RAPGEF3: variants seen among roughly 807,000 people sequenced by gnomAD.
RAPGEF3 encodes the protein 9330170P05Rik.
A neutral mutation model predicts 129.8 loss-of-function variants in RAPGEF3; 103 were observed. The ratio of observed to expected loss-of-function variants is 0.79; its 90% CI spans 0.68 to 0.93. RAPGEF3 has a LOEUF of 0.93. RAPGEF3 is among the 40% of genes least tolerant of loss of function. RAPGEF3 has a pLI of 0.00. For missense variants in RAPGEF3, 1,117 were observed against 1,207.4 expected (o/e 0.93, Z 1.11); for synonymous variants, 436 against 482.6 (o/e 0.90, Z 1.26).
In RAPGEF3 at chr12:47,741,793, T is replaced by C. The variant is rs1941186911; in HGVS notation, c.1826-191A>G. The C allele has an allele frequency of 6.7e-6, 4 of 597,176 alleles. 1 individual carries two copies. In the African/African-American group the frequency reaches 7.4e-5, roughly 11 times the overall value. The allele number at this position is 597,176 out of a possible 1,614,324, so 37.0% of individuals were successfully genotyped here. ...CAGCCACGCAGCCCAGGGAAGCACA[T>C]CCAAGAGGATGAGGAAAGATTCTCA... On this transcript the variant is annotated intron_variant, in intron 18 of 27. Coordinates refer to ENST00000449771, the MANE Select transcript of RAPGEF3 (RefSeq NM_001098531.4).
chr12:47,744,352 A>C, intron 16 of RAPGEF3: 1 of 381,216 alleles, frequency 2.6e-6, no homozygotes, highest in Non-Finnish European at 4.7e-6. Context: ...TAATATGAAA[A>C]TCCTTCAGCT....
chr12:47,741,604 T>C lies in RAPGEF3; in HGVS notation c.1826-2A>G. ...CATCTGGCTGCAGGCCAATGGCATC[T>C]GCAAAGACAGCAGAGGCGGACTGGG... On this transcript the variant is annotated splice_acceptor_variant, in intron 18 of 27. Coordinates refer to ENST00000449771, the MANE Select transcript of RAPGEF3 (RefSeq NM_001098531.4). LOFTEE classifies it high-confidence loss of function. 1 of 1,611,482 alleles carries C rather than the reference T, an allele frequency of 6.2e-7. No individual in the cohort carries two copies. The highest frequency in any genetic ancestry group is 8.5e-7 in the Non-Finnish European group (1 of 1,178,000).
At chr12:47,751,289 T>C (rs1941726245) in intron 5 of RAPGEF3, 73 bp from the exon 6 acceptor site, 4 of 1,559,636 alleles carry the variant, frequency 2.6e-6, no homozygotes, top group African/African-American at 1.4e-5. Context: ...CCCACTGCGA[T>C]GCCACCCCTC....
In RAPGEF3 at chr12:47,738,707, T is replaced by C. The variant is rs1400840251; in HGVS notation, c.2509A>G (p.Ile837Val). Reference sequence around the variant, plus strand: ...GGACTCACCATCTTCTCAAAGTTGATGAGATTCTCCACTAGTGTGTGGTTT... The same window carrying C: ...GGACTCACCATCTTCTCAAAGTTGACGAGATTCTCCACTAGTGTGTGGTTT... ...EGNHTLVENLINFEKMRMMAR... is the reference protein window; with the variant it reads ...EGNHTLVENLVNFEKMRMMAR... Residue 837 changes from isoleucine (I) to valine (V), a missense_variant, in exon 25 of 28, where the codon ATC becomes GTC. Transcript: ENST00000449771. The C allele has an allele frequency of 3.8e-6, 6 of 1,599,012 alleles. No individual in the cohort carries two copies. In the African/African-American group the frequency reaches 6.7e-5, roughly 18 times the overall value.
chr12:47,744,357 T>C (rs954466956), intron 16 of RAPGEF3: 1 of 374,516 alleles, frequency 2.7e-6, no homozygotes, highest in African/African-American at 2.1e-5. Flanking sequence ...TGAAAATCCT[T>C]CAGCTGCTGA....
intron 24 of RAPGEF3, 48 bp from the exon 25 acceptor site, chr12:47,738,802 C>A: frequency 6.6e-7 from 1 of 1,518,214 alleles, no homozygotes; most frequent in Non-Finnish European, 9.2e-7. Context: ...TTCTGCCCTC[C>A]TGTAGCCCAG....
Position 47,740,324 on chromosome 12 carries a change from C to A in RAPGEF3, c.2303G>T (p.Arg768Leu), listed in dbSNP as rs368244791. 6.2e-7 allele frequency: 1 copy of A among 1,614,068 alleles called. No homozygotes were observed. The highest frequency in any genetic ancestry group is 1.3e-5 in the African/African-American group (1 of 75,042). Residue 768 changes from arginine (R) to leucine (L), a missense_variant, in exon 22 of 28, where the codon CGC becomes CTC. Physicochemically the swap from Arg to Leu is moderately radical, Grantham distance 102 (BLOSUM62 -2). Around this residue, in one of 3 missense-constraint regions of RAPGEF3, gnomAD observed 643 missense variants for 673.4 expected, o/e 0.95. Coordinates refer to ENST00000449771, the MANE Select transcript of RAPGEF3 (RefSeq NM_001098531.4). Reference sequence around the variant, plus strand: ...ACTTACCTCCCAGGTGTGGGCTAGGCGGCTGATGGCCGAGTTGCTGAGGCC... The same window carrying A: ...ACTTACCTCCCAGGTGTGGGCTAGGAGGCTGATGGCCGAGTTGCTGAGGCC... ...MFGLSNSAIS[R>L]LAHTWERLPH...
rs774576850 is a variant in RAPGEF3 at position 47,740,152 on chromosome 12, C to T, written c.2362G>A (p.Glu788Lys). ...HKVRKLYSAL[E>K]RLLDPSWNHR... ...GGTGGAGCACTCACCAGCAGCCTCT[C>T]GAGGGCGGAGTACAGCTTCCGGACT... The change falls in exon 23 of 28, where the codon GAG becomes AAG. Residue 788 changes from glutamate to lysine, a missense_variant. By Grantham distance (56) the Glu-to-Lys change is moderately conservative. Around this residue, in one of 3 missense-constraint regions of RAPGEF3, gnomAD observed 643 missense variants for 673.4 expected, o/e 0.95. Coordinates refer to ENST00000449771, the MANE Select transcript of RAPGEF3 (RefSeq NM_001098531.4). The T allele has an allele frequency of 6.2e-6, 10 of 1,612,970 alleles. No homozygotes were observed. The highest frequency in any genetic ancestry group is 2.2e-5 in the East Asian group (1 of 44,854).
intron 7 of RAPGEF3, 145 bp from the exon 8 acceptor site, chr12:47,750,135 G>A: frequency 8.6e-7 from 1 of 1,163,200 alleles, no homozygotes; most frequent in South Asian, 1.2e-5. Flanking sequence ...GATTCAGCAG[G>A]AGACAAAGCA....
At chr12:47,745,909 AG>A (rs1941398825) in intron 16 of RAPGEF3, 1 of 152,346 alleles carries the variant, frequency 6.6e-6, no homozygotes, top group Admixed American at 6.5e-5. Context: ...GGGGGCCCGC[AG>A]GAGGGAAGTC....
At position 47,751,095 on chromosome 12, in the gene RAPGEF3, G is replaced by A. The variant is rs1354329793; in HGVS notation, c.624C>T (p.Leu208=). The change falls in exon 6 of 28, where the codon CTC becomes CTT. Residue 208 remains leucine, a synonymous_variant. Coordinates refer to ENST00000449771, the MANE Select transcript of RAPGEF3 (RefSeq NM_001098531.4). ...EEELAEAVAL[L]SQRGPDALLT... is the part of the protein sequence containing the mutation. ...GCAGGGCGTCAGGCCCCCGCTGGGA[G>A]AGCAGGGCCACAGCTTCGGCCAACT... The A allele has an allele frequency of 1.3e-6, 2 of 1,591,532 alleles. No individual in the cohort carries two copies. Among genetic ancestry groups the A allele is most frequent in the Non-Finnish European group, 1.7e-6 (2 of 1,169,900 alleles).
intron 26 of RAPGEF3, 30 bp from the exon 27 acceptor site, chr12:47,738,123 A>G (rs775689047): frequency 1.2e-5 from 20 of 1,613,928 alleles, no homozygotes; most frequent in Non-Finnish European, 1.6e-5. Context: ...TCATGGAGTC[A>G]GGGCCACCCT....
In RAPGEF3 at chr12:47,735,229, T is replaced by G. The variant is rs1940763089; in HGVS notation, c.*2338A>C. On this transcript the variant is annotated 3_prime_UTR_variant, in exon 28 of 28. Transcript: ENST00000449771. ...TTTCTGCACACCTTCTTCTCAGCAGTCCCATGAGCCCCTCCTCCCTTTGTG... is the reference window on the plus strand; with the variant it reads ...TTTCTGCACACCTTCTTCTCAGCAGGCCCATGAGCCCCTCCTCCCTTTGTG... The G allele has an allele frequency of 6.6e-6, 1 of 152,228 alleles. No homozygotes were observed. The allele number at this position is 152,228 out of a possible 1,614,324, so 9.4% of individuals were successfully genotyped here.
chr12:47,740,676 G>A lies in RAPGEF3; in HGVS notation c.2197C>T (p.Gln733Ter), dbSNP rs930965429. 5.0e-6 allele frequency: 8 copies of A among 1,613,854 alleles called. No individual in the cohort carries two copies. The highest frequency in any genetic ancestry group is 6.8e-6 in the Non-Finnish European group (8 of 1,179,964). ...CLCPVPGPRA[Q>*]LLRKFIKLAA... ...AGCTTAATGAACTTCCTGAGCAGCT[G>A]GGCCCGGGGGCCGGGCACGGGGCAG... is the stretch of plus-strand genomic sequence containing the variant. The change falls in exon 21 of 28, where the codon CAG becomes TAG. Residue 733 changes from glutamine to a stop codon, truncating the protein, a stop_gained. Coordinates refer to ENST00000449771, the MANE Select transcript of RAPGEF3 (RefSeq NM_001098531.4). LOFTEE classifies it high-confidence loss of function.
In RAPGEF3 at chr12:47,737,450, G is replaced by A. The variant is rs887472106; in HGVS notation, c.*117C>T. On this transcript the variant is annotated 3_prime_UTR_variant, in exon 28 of 28. Coordinates refer to ENST00000449771, the MANE Select transcript of RAPGEF3 (RefSeq NM_001098531.4). ...TCCACACTGCCTGCTCCAGGGACTC[G>A]AGTCCACTCCACGGAGAGCCTTGCC... The A allele has an allele frequency of 3.9e-5, 33 of 845,918 alleles. No individual in the cohort carries two copies. The highest frequency in any genetic ancestry group is 8.0e-5 in the East Asian group (3 of 37,728). 52.4% of individuals were successfully genotyped at this position (845,918 alleles called of 1,614,324 possible). A position where few individuals can be genotyped will look rare whatever the true frequency, so the allele number is the denominator to read the frequency against.
intron 2 of RAPGEF3, among the ~76,000 whole-genome samples, chr12:47,753,687 T>C (rs1941889185): frequency 1.3e-5 from 2 of 152,334 alleles, no homozygotes; most frequent in South Asian, 2.1e-4. Context: ...GCCAGCCCCC[T>C]GTGTCGGAAC....
At chr12:47,739,662 T>C (rs2136735813) in intron 23 of RAPGEF3, 1 of 361,836 alleles carries the variant, frequency 2.8e-6, no homozygotes, top group East Asian at 6.7e-5. Flanking sequence ...ACCCTCAAAA[T>C]CCTCAAAAGT....
chr12:47,750,071 T>C, intron 7 of RAPGEF3, 81 bp from the exon 8 acceptor site: 1 of 1,511,532 alleles, frequency 6.6e-7, no homozygotes, highest in East Asian at 2.3e-5. Flanking sequence ...TGTGGTTAGG[T>C]CCAAAGACAC....
intron 16 of RAPGEF3, 92 bp downstream of exon 16, chr12:47,746,768 C>T: frequency 7.3e-7 from 1 of 1,375,048 alleles, no homozygotes; most frequent in Non-Finnish European, 1.0e-6. Context: ...GGAGAGCTTC[C>T]CACGCCCACA....
Sources: gnomAD v4.1 joint callset for allele counts (sites outside exome capture counted in the v4.1 genomes callset) on GRCh38, gnomAD v4.1.1 for gene constraint, gnomAD v4.1.1 regional missense constraint, MANE v1.5 for transcripts, NCBI Gene and HGNC (gene_info 2026-07-23, HGNC 2026-07-21) for gene names.